The following NTN1 variants were observed in gnomAD, a reference collection of about 807,000 sequenced individuals.
NTN1 encodes netrin 1, also known as netrin-1.
NTN1 carries 11 observed loss-of-function variants against 54.2 expected under a neutral mutation model. The ratio of observed to expected loss-of-function variants is 0.20; its 90% confidence interval spans 0.13 to 0.34. The LOEUF is 0.34. Among genes scored for constraint, NTN1 ranks in the 10% least tolerant of loss-of-function variants. The pLI, the probability that NTN1 is intolerant of heterozygous loss-of-function variation, is 1.00. For synonymous variants in NTN1, 371 were observed against 382.0 expected, an observed-to-expected ratio of 0.97 and a Z score of 0.33; for missense variants, 740 against 893.1, an observed-to-expected ratio of 0.83 and a Z score of 2.18.
intron 2 of NTN1, among the ~76,000 whole-genome samples, chr17:9,114,153 G>GA (rs869056034): frequency 3.1e-4 from 29 of 92,998 alleles, no homozygotes; most frequent in African/African-American, 7.1e-4. Flanking sequence ...CAAAAAAAAA[G>GA]AAAAAAAAAA....
intron 2 of NTN1, among the ~76,000 whole-genome samples, chr17:9,157,464 A>G (rs1463009658): frequency 6.6e-6 from 1 of 152,248 alleles, no homozygotes; most frequent in African/African-American, 2.4e-5. Flanking sequence ...AGGAGTGGCC[A>G]CAGGCATGTG....
chr17:9,184,924 G>A (rs948416122), intron 5 of NTN1, among the ~76,000 whole-genome samples: 1 of 152,220 alleles, frequency 6.6e-6, no homozygotes, highest in Non-Finnish European at 1.5e-5. Context: ...TTTTTGAAAT[G>A]TCTTCTTTGA....
chr17:9,040,656 T>C (rs1483389365), intron 2 of NTN1, among the ~76,000 whole-genome samples: 1 of 152,224 alleles, frequency 6.6e-6, no homozygotes, highest in Non-Finnish European at 1.5e-5. Flanking sequence ...TACTCTTGTA[T>C]TACTACTGAT....
intron 2 of NTN1, among the ~76,000 whole-genome samples, chr17:9,074,555 A>G (rs944012165): frequency 6.6e-6 from 1 of 152,200 alleles, no homozygotes; most frequent in African/African-American, 2.4e-5. Context: ...TTTTCACTCA[A>G]CACGCCCAAG....
intron 2 of NTN1, among the ~76,000 whole-genome samples, chr17:9,044,648 A>G (rs2091935490): frequency 6.6e-6 from 1 of 152,134 alleles, no homozygotes; most frequent in Non-Finnish European, 1.5e-5. Context: ...TCCTGTTTGT[A>G]GGGCACAATG....
rs1402078009 is a variant in NTN1, at chr17:9,240,460, A to G, written c.*492A>G. ...GGCGCGGAGCACCCACCAAACCACCACCCGACACGCAGCCGACGGGATCCC... is the reference window on the plus strand; with the variant it reads ...GGCGCGGAGCACCCACCAAACCACCGCCCGACACGCAGCCGACGGGATCCC... On this transcript the variant is annotated 3_prime_UTR_variant, in exon 7 of 7. Coordinates refer to ENST00000173229, the MANE Select transcript of NTN1 (RefSeq NM_004822.3). 2 of 152,162 alleles carry G rather than the reference A, an allele frequency of 1.3e-5. No homozygotes were observed. The highest frequency in any genetic ancestry group is 2.1e-4 in the South Asian group (1 of 4,826). 9.4% of individuals were successfully genotyped at this position (152,162 alleles called of 1,614,324 possible). A position where few individuals can be genotyped will look rare whatever the true frequency, so the allele number is the denominator to read the frequency against.
intron 2 of NTN1, among the ~76,000 whole-genome samples, chr17:9,112,967 T>A (rs894889122): frequency 3.3e-5 from 5 of 152,088 alleles, no homozygotes; most frequent in African/African-American, 1.2e-4. Flanking sequence ...GTTGTATTGC[T>A]TTTGGCTGTA....
chr17:9,134,777 G>A (rs980844733), intron 2 of NTN1, among the ~76,000 whole-genome samples: 6 of 152,196 alleles, frequency 3.9e-5, no homozygotes, highest in African/African-American at 1.4e-4. Flanking sequence ...AGCCCGCTGA[G>A]TTTAAGCCTC....
chr17:9,193,920 T>TAAAAAAAAAAAAAAAAAC (rs1904539263), intron 5 of NTN1, among the ~76,000 whole-genome samples: 3 of 44,906 alleles, frequency 6.7e-5, no homozygotes, highest in African/African-American at 3.3e-4. Context: ...AAACTCCGAC[T>TAAAAAAAAAAAAAAAAAC]AAAAAAAAAA....
chr17:9,113,441 A>G (rs988664878), intron 2 of NTN1, among the ~76,000 whole-genome samples: 7 of 152,286 alleles, frequency 4.6e-5, no homozygotes, highest in South Asian at 4.1e-4. Flanking sequence ...CCTGGGAGCA[A>G]TGGTTCATTA....
intron 6 of NTN1, among the ~76,000 whole-genome samples, chr17:9,225,728 G>A (rs1202342013): frequency 6.6e-6 from 1 of 152,192 alleles, no homozygotes; most frequent in Non-Finnish European, 1.5e-5. Flanking sequence ...GGGCCAGGGC[G>A]GGCCGGGCAG....
intron 2 of NTN1, among the ~76,000 whole-genome samples, chr17:9,029,999 A>AG (rs1033733688): frequency 3.3e-5 from 5 of 151,842 alleles, no homozygotes; most frequent in Admixed American, 6.6e-5. Context: ...TCAAAAAAAA[A>AG]AGAAAAAGTT....
At chr17:9,129,064 A>G (rs1261515055) in intron 2 of NTN1, among the ~76,000 whole-genome samples, 2 of 152,264 alleles carry the variant, frequency 1.3e-5, no homozygotes, top group East Asian at 3.9e-4. Flanking sequence ...CCGCGGTAAC[A>G]CTATCCAAGG....
intron 2 of NTN1, among the ~76,000 whole-genome samples, chr17:9,055,040 G>A (rs1005230193): frequency 1.3e-5 from 2 of 152,152 alleles, no homozygotes; most frequent in Non-Finnish European, 1.5e-5. Context: ...GTTAAATGGC[G>A]AACAGAGCGC....
intron 2 of NTN1, among the ~76,000 whole-genome samples, chr17:9,124,724 G>T (rs992306338): frequency 6.6e-6 from 1 of 152,212 alleles, no homozygotes; most frequent in African/African-American, 2.4e-5. Flanking sequence ...AACTCGTTTT[G>T]CAGTGCTTGT....
At chr17:9,114,165 AAATAT>A (rs1467997434) in intron 2 of NTN1, among the ~76,000 whole-genome samples, 57 of 117,568 alleles carry the variant, frequency 4.8e-4, no homozygotes, top group African/African-American at 1.9e-3. Flanking sequence ...AAAAAAAAAA[AAATAT>A]ATATATATAT....
At chr17:9,043,815 G>A (rs2091931483) in intron 2 of NTN1, among the ~76,000 whole-genome samples, 1 of 151,968 alleles carries the variant, frequency 6.6e-6, no homozygotes, top group Admixed American at 6.6e-5. Context: ...CCGGACCTCA[G>A]GTGATCCACC....
intron 3 of NTN1, 115 bp from the exon 4 acceptor site, chr17:9,179,692 G>C: frequency 1.5e-6 from 2 of 1,314,820 alleles, no homozygotes; most frequent in South Asian, 1.5e-5. Flanking sequence ...GCTCCCCATC[G>C]CTGCTCTTCC....
intron 6 of NTN1, among the ~76,000 whole-genome samples, chr17:9,227,388 C>T (rs151039427): frequency 1.3e-5 from 2 of 149,950 alleles, no homozygotes; most frequent in Admixed American, 6.6e-5. Context: ...ACACCACACA[C>T]TATCACACAG....
Sources: gnomAD v4.1 joint callset for allele counts (sites outside exome capture counted in the v4.1 genomes callset) on GRCh38, gnomAD v4.1.1 for gene constraint, MANE v1.5 for transcripts, NCBI Gene and HGNC (gene_info 2026-07-23, HGNC 2026-07-21) for gene names.